The following ARMH3 variants were observed in gnomAD, a reference collection of about 807,000 sequenced individuals.
The protein encoded by ARMH3 is armadillo like helical domain containing 3, also known as armadillo-like helical domain-containing protein 3.
ARMH3 carries 60 observed loss-of-function variants against 99.1 expected under a neutral mutation model. The observed-to-expected ratio is 0.61, with a 90% CI of 0.49 to 0.75. The LOEUF is 0.75. ARMH3 is among the 30% of genes least tolerant of loss of function. The pLI is 0.00. For synonymous variants in ARMH3, 285 were observed against 292.8 expected, an observed-to-expected ratio of 0.97 and a Z score of 0.27; for missense variants, 679 against 843.1, an observed-to-expected ratio of 0.81 and a Z score of 2.41.
chr10:102,004,227 A>G (rs2066431893), intron 14 of ARMH3, among the ~76,000 whole-genome samples: 2 of 152,196 alleles, frequency 1.3e-5, no homozygotes, highest in South Asian at 2.1e-4. Context: ...TTTAAATATA[A>G]GTGGGCTACT....
intron 2 of ARMH3, among the ~76,000 whole-genome samples, chr10:102,034,983 C>A (rs1429553913): frequency 1.3e-5 from 2 of 151,944 alleles, no homozygotes; most frequent in Non-Finnish European, 2.9e-5. Context: ...ACACCTGTAA[C>A]GTCAGCATTT....
intron 17 of ARMH3, 80 bp from the exon 18 acceptor site, chr10:101,992,118 G>A: frequency 8.4e-7 from 1 of 1,184,406 alleles, no homozygotes; most frequent in South Asian, 1.2e-5. Flanking sequence ...TGTTCCTTGT[G>A]CAAATAAAAT....
chr10:101,910,818 C>A (rs1269458213), intron 23 of ARMH3, among the ~76,000 whole-genome samples: 1 of 150,674 alleles, frequency 6.6e-6, no homozygotes, highest in Admixed American at 6.6e-5. Flanking sequence ...CATGCCCACA[C>A]ACATTCAGGT....
intron 24 of ARMH3, among the ~76,000 whole-genome samples, chr10:101,861,060 G>C (rs936885934): frequency 1.3e-5 from 2 of 152,086 alleles, no homozygotes; most frequent in African/African-American, 4.8e-5. Flanking sequence ...CCAGAAATGA[G>C]GGAGATGATG....
At chr10:102,004,932 T>A (rs2066448495) in intron 14 of ARMH3, among the ~76,000 whole-genome samples, 1 of 151,962 alleles carries the variant, frequency 6.6e-6, no homozygotes, top group Non-Finnish European at 1.5e-5. Context: ...TGGCCAGGCG[T>A]GGTGGCTCAC....
rs142013943 is a variant in ARMH3, at chr10:101,897,483, A to G, written c.1782-7993T>C. Among the ~76,000 whole-genome samples the G allele has an allele frequency of 1.0e-4, 16 of 152,382 alleles. No homozygotes were observed. The East Asian group carries it at 2.9e-3, about 28-fold the overall frequency. On this transcript the variant is annotated intron_variant, in intron 23 of 25. Coordinates refer to ENST00000370033, the MANE Select transcript of ARMH3 (RefSeq NM_024541.3). The stretch of plus-strand genomic sequence containing the variant: ...GGAGCAAAAGTTGACACTGATGACA[A>G]TAAAGCTTTTCTTCCTCTTAAGTCA...
intron 23 of ARMH3, among the ~76,000 whole-genome samples, chr10:101,893,952 T>G (rs1251575705): frequency 1.3e-5 from 2 of 152,170 alleles, no homozygotes; most frequent in African/African-American, 4.8e-5. Flanking sequence ...GAATATATAT[T>G]TGGAATGAAG....
intron 23 of ARMH3, among the ~76,000 whole-genome samples, chr10:101,919,884 T>C (rs1380301087): frequency 6.7e-6 from 1 of 148,662 alleles, no homozygotes; most frequent in Non-Finnish European, 1.5e-5. Context: ...GGCCCTTCAG[T>C]CAATTTCTCT....
At chr10:101,948,584 G>A (rs1844654590) in intron 22 of ARMH3, among the ~76,000 whole-genome samples, 1 of 152,034 alleles carries the variant, frequency 6.6e-6, no homozygotes, top group African/African-American at 2.4e-5. Context: ...CTATCTAACA[G>A]CAGAGCTACA....
chr10:101,960,014 C>T (rs938048661), intron 20 of ARMH3, among the ~76,000 whole-genome samples: 1 of 152,130 alleles, frequency 6.6e-6, no homozygotes, highest in Non-Finnish European at 1.5e-5. Context: ...CCTGTCTCTA[C>T]TAAAATACAA....
At chr10:101,961,941 T>A (rs1215586651) in intron 20 of ARMH3, among the ~76,000 whole-genome samples, 1 of 152,232 alleles carries the variant, frequency 6.6e-6, no homozygotes, top group Non-Finnish European at 1.5e-5. Flanking sequence ...GGATGTACCA[T>A]TTAATTTAAT....
At chr10:102,055,008 AAAC>A (rs1306888882) in intron 1 of ARMH3, among the ~76,000 whole-genome samples, 1 of 148,740 alleles carries the variant, frequency 6.7e-6, no homozygotes, top group African/African-American at 2.5e-5. Flanking sequence ...AAAAAACAAA[AAAC>A]AAAACAAACA....
At position 101,877,354 on chromosome 10, in the gene ARMH3, T is replaced by C. The variant is rs374346690; in HGVS notation, c.1860+12058A>G. Among the ~76,000 whole-genome samples, 78 of 151,972 alleles carry C rather than the reference T, an allele frequency of 5.1e-4. 2 individuals carry two copies. In the East Asian group the frequency reaches 0.014, roughly 27 times the overall value. On this transcript the variant is annotated intron_variant, in intron 24 of 25. Coordinates refer to ENST00000370033, the MANE Select transcript of ARMH3 (RefSeq NM_024541.3). ...GTCCAACCTGGGATATAGAGTGAAA[T>C]CCTGTCTCAAAAAAAAATTTTTTTA... is the stretch of plus-strand genomic sequence containing the variant.
chr10:101,900,824 A>C (rs913809027), intron 23 of ARMH3, among the ~76,000 whole-genome samples: 2 of 152,080 alleles, frequency 1.3e-5, no homozygotes, highest in Admixed American at 6.6e-5. Flanking sequence ...ATCTACAAAA[A>C]ATTTTTTTTA....
intron 22 of ARMH3, among the ~76,000 whole-genome samples, chr10:101,949,004 A>G (rs574982728): frequency 6.6e-6 from 1 of 152,212 alleles, no homozygotes; most frequent in South Asian, 2.1e-4. Flanking sequence ...CAAAAGTCAA[A>G]GAAGAAATTC....
In ARMH3 at chr10:101,846,008, C is replaced by G. The variant is rs2066460229; in HGVS notation, c.*1520G>C. The G allele has an allele frequency of 6.6e-6, 1 of 152,208 alleles. No individual in the cohort carries two copies. Among genetic ancestry groups the G allele is most frequent in the South Asian group, 2.1e-4 (1 of 4,826 alleles). The allele number at this position is 152,208 out of a possible 1,614,324, so 9.4% of individuals were successfully genotyped here. On this transcript the variant is annotated 3_prime_UTR_variant, in exon 26 of 26. Transcript: ENST00000370033. The stretch of plus-strand genomic sequence containing the variant: ...AAAGTGCTTTAAAAAGGGAGGATCT[C>G]GAAGCAGCAGCTATTTCAGAGGCAG...
chr10:102,047,306 C>T (rs2067580524), intron 1 of ARMH3, among the ~76,000 whole-genome samples: 1 of 151,766 alleles, frequency 6.6e-6, no homozygotes, highest in African/African-American at 2.4e-5. Context: ...TAGAAAGATA[C>T]TATAAAACAG....
chr10:101,920,358 C>T (rs1258902553), intron 23 of ARMH3, among the ~76,000 whole-genome samples: 1 of 152,190 alleles, frequency 6.6e-6, no homozygotes, highest in Non-Finnish European at 1.5e-5. Context: ...TTCTAAGTGT[C>T]TCTGGTTTGT....
intron 20 of ARMH3, among the ~76,000 whole-genome samples, chr10:101,961,249 G>A (rs1845287903): frequency 6.6e-6 from 1 of 151,682 alleles, no homozygotes; most frequent in Non-Finnish European, 1.5e-5. Flanking sequence ...GCTCTCTGCT[G>A]TCTTATCTAC....
Sources: allele counts gnomAD v4.1 joint callset (sites outside exome capture counted in the v4.1 genomes callset), GRCh38; gene constraint gnomAD v4.1.1; transcripts MANE v1.5; gene names NCBI Gene and HGNC (gene_info 2026-07-23, HGNC 2026-07-21).